GPRIN3: variants seen among roughly 807,000 people sequenced by gnomAD.
The protein encoded by GPRIN3 is G protein-regulated inducer of neurite outgrowth 3.
Under a neutral mutation model 13.7 loss-of-function variants are expected in GPRIN3, and 12 were observed. The ratio of observed to expected loss-of-function variants is 0.87; its 90% CI spans 0.56 to 1.42. The LOEUF (loss-of-function observed/expected upper bound fraction) is 1.42. Ranked by LOEUF, GPRIN3 falls within the 40% of genes most tolerant of loss-of-function variation. The pLI, the probability that GPRIN3 is intolerant of heterozygous loss-of-function variation, is 0.00. For synonymous variants in GPRIN3, 377 were observed against 372.7 expected (o/e 1.01, Z -0.13); for missense variants, 1,009 against 958.7 (o/e 1.05, Z -0.69).
rs1422111008 is a variant in GPRIN3 at position 89,245,874 on chromosome 4, A to G, written c.*1906T>C. On this transcript the variant is annotated 3_prime_UTR_variant, in exon 2 of 2. Transcript: ENST00000609438. ...AATTTGATGGAAATTTCAACATTAC[A>G]TAGTATTCTTAATAGACACCAATGG... 6.6e-6 allele frequency: 1 copy of G among 152,238 alleles called. No homozygotes were observed. The highest frequency in any genetic ancestry group is 6.5e-5 in the Admixed American group (1 of 15,280). The allele number at this position is 152,238 out of a possible 1,614,324, so 9.4% of individuals were successfully genotyped here.
intron 1 of GPRIN3, among the ~76,000 whole-genome samples, chr4:89,269,174 G>A (rs1376805490): frequency 1.3e-5 from 2 of 152,052 alleles, no homozygotes; most frequent in Non-Finnish European, 2.9e-5. Context: ...TTAATACTCT[G>A]GTACAAATAA....
chr4:89,307,421 C>T (rs1326451497), intron 1 of GPRIN3, among the ~76,000 whole-genome samples, 194 bp downstream of exon 1: 1 of 152,150 alleles, frequency 6.6e-6, no homozygotes, highest in African/African-American at 2.4e-5. Flanking sequence ...AATGACCTTG[C>T]AGAGAAATTC....
chr4:89,247,456 A>C lies in GPRIN3; in HGVS notation c.*324T>G, dbSNP rs1313027017. 9.1e-6 allele frequency: 2 copies of C among 218,830 alleles called. No individual in the cohort carries two copies. Among genetic ancestry groups the C allele is most frequent in the Non-Finnish European group, 1.8e-5 (2 of 111,292 alleles). 13.6% of individuals were successfully genotyped at this position (218,830 alleles called of 1,614,324 possible). On this transcript the variant is annotated 3_prime_UTR_variant, in exon 2 of 2. Coordinates refer to ENST00000609438, the MANE Select transcript of GPRIN3 (RefSeq NM_198281.3). ...AATTGAGGCAGTTATACAAAATAATACATGTATAATGATACAATAATGCTA... is the reference window on the plus strand; with the variant it reads ...AATTGAGGCAGTTATACAAAATAATCCATGTATAATGATACAATAATGCTA...
intron 1 of GPRIN3, among the ~76,000 whole-genome samples, chr4:89,272,772 T>C (rs190707638): frequency 1.3e-4 from 20 of 152,342 alleles, no homozygotes; most frequent in Non-Finnish European, 2.4e-4. Flanking sequence ...TTTACCAAAA[T>C]CAAATGTTAA....
chr4:89,285,035 T>C (rs1046986139), intron 1 of GPRIN3, among the ~76,000 whole-genome samples: 3 of 152,158 alleles, frequency 2.0e-5, no homozygotes, highest in African/African-American at 7.2e-5. Context: ...CCTGCCAAAC[T>C]GCTCCTGTGG....
intron 1 of GPRIN3, among the ~76,000 whole-genome samples, chr4:89,285,108 C>T (rs1724364960): frequency 6.6e-6 from 1 of 151,884 alleles, no homozygotes; most frequent in African/African-American, 2.4e-5. Context: ...GATTTCATCT[C>T]CACCCCAACC....
intron 1 of GPRIN3, among the ~76,000 whole-genome samples, chr4:89,288,169 G>C (rs908223097): frequency 1.3e-5 from 2 of 152,130 alleles, no homozygotes; most frequent in South Asian, 4.1e-4. Flanking sequence ...TTTTCTCTCT[G>C]TGACTTCTTA....
intron 1 of GPRIN3, among the ~76,000 whole-genome samples, chr4:89,293,337 G>T (rs925571401): frequency 6.6e-6 from 1 of 152,180 alleles, no homozygotes; most frequent in Non-Finnish European, 1.5e-5. Flanking sequence ...TTCCTAAATC[G>T]TTCTTCATTC....
intron 1 of GPRIN3, among the ~76,000 whole-genome samples, chr4:89,261,018 CCG>C (rs1055864023): frequency 1.3e-5 from 2 of 152,030 alleles, no homozygotes; most frequent in African/African-American, 4.8e-5. Context: ...AACACAACCC[CCG>C]CCCCCCAATG....
intron 1 of GPRIN3, among the ~76,000 whole-genome samples, chr4:89,254,784 T>C (rs1418733588): frequency 6.6e-6 from 1 of 152,128 alleles, no homozygotes; most frequent in African/African-American, 2.4e-5. Flanking sequence ...TGTTTTTAGG[T>C]CTTTGAGGAA....
At chr4:89,278,100 G>A (rs1291650838) in intron 1 of GPRIN3, among the ~76,000 whole-genome samples, 1 of 152,154 alleles carries the variant, frequency 6.6e-6, no homozygotes, top group Non-Finnish European at 1.5e-5. Context: ...TTTTCTGAGT[G>A]AGGAAAGTGA....
Position 89,242,717 on chromosome 4 carries a change from T to C in GPRIN3, c.*5063A>G, listed in dbSNP as rs1353752570. On this transcript the variant is annotated 3_prime_UTR_variant, in exon 2 of 2. Transcript: ENST00000609438. ...ATGCATTTGCTGGTATAACTGCCTC[T>C]TTTTGGCACATTATTGCTTGGCTTT... 1 of 152,220 alleles carries C rather than the reference T, an allele frequency of 6.6e-6. No individual in the cohort carries two copies. Among genetic ancestry groups the C allele is most frequent in the Non-Finnish European group, 1.5e-5 (1 of 68,034 alleles). The allele number at this position is 152,220 out of a possible 1,614,324, so 9.4% of individuals were successfully genotyped here. A position where few individuals can be genotyped will look rare whatever the true frequency, so the allele number is the denominator to read the frequency against.
chr4:89,295,962 T>G (rs921979593), intron 1 of GPRIN3, among the ~76,000 whole-genome samples: 13 of 152,226 alleles, frequency 8.5e-5, no homozygotes, highest in Non-Finnish European at 1.5e-4. Context: ...TGTTATATTA[T>G]TTTTTGTAGC....
chr4:89,267,552 AC>A (rs930279437), intron 1 of GPRIN3, among the ~76,000 whole-genome samples: 3 of 152,214 alleles, frequency 2.0e-5, no homozygotes, highest in African/African-American at 7.2e-5. Context: ...ATCTGGTTCA[AC>A]AGCATTAAAA....
chr4:89,269,340 A>G (rs970956572), intron 1 of GPRIN3, among the ~76,000 whole-genome samples: 8 of 152,102 alleles, frequency 5.3e-5, no homozygotes, highest in African/African-American at 1.9e-4. Context: ...ATTATTAAGG[A>G]GATAGCAAAT....
intron 1 of GPRIN3, among the ~76,000 whole-genome samples, chr4:89,279,214 A>T (rs1042851790): frequency 5.9e-5 from 9 of 152,234 alleles, no homozygotes; most frequent in African/African-American, 1.9e-4. Flanking sequence ...TCATATTAAC[A>T]AATAGCTCAT....
chr4:89,249,855 C>A lies in GPRIN3; in HGVS notation c.256G>T (p.Glu86Ter), dbSNP rs1467066797. The part of the protein sequence containing the change: ...PDMSSPGVFN[E>*]VQKAPATFNS... Reference sequence around the variant, plus strand: ...AATGTGGCAGGTGCTTTCTGCACTTCATTGAACACACCAGGAGAAGACATA... The same window carrying A: ...AATGTGGCAGGTGCTTTCTGCACTTAATTGAACACACCAGGAGAAGACATA... The change falls in exon 2 of 2, where the codon GAA becomes TAA. Residue 86 changes from glutamate (E) to a stop codon, truncating the protein, a stop_gained. Transcript: ENST00000609438. LOFTEE classifies it low-confidence loss of function (END_TRUNC). The A allele has an allele frequency of 1.2e-6, 2 of 1,614,200 alleles. No homozygotes were observed. The highest frequency in any genetic ancestry group is 2.2e-5 in the East Asian group (1 of 44,884).
intron 1 of GPRIN3, among the ~76,000 whole-genome samples, chr4:89,270,565 T>TTTTA (rs1324036739): frequency 1.2e-4 from 10 of 82,348 alleles, no homozygotes; most frequent in South Asian, 4.4e-4. Context: ...TGTATATAAT[T>TTTTA]TATATATATA....
At chr4:89,297,430 G>C (rs1351252588) in intron 1 of GPRIN3, among the ~76,000 whole-genome samples, 1 of 151,972 alleles carries the variant, frequency 6.6e-6, no homozygotes, top group Non-Finnish European at 1.5e-5. Context: ...ATTCTTTAAT[G>C]AATTTTAAAC....
Sources: allele counts gnomAD v4.1 joint callset (sites outside exome capture counted in the v4.1 genomes callset), GRCh38; gene constraint gnomAD v4.1.1; transcripts MANE v1.5; gene names NCBI Gene and HGNC (gene_info 2026-07-23, HGNC 2026-07-21).